MIPOL1: variants seen among roughly 807,000 people sequenced by gnomAD.
MIPOL1 encodes the protein mirror-image polydactyly 1.
A neutral mutation model predicts 60.9 loss-of-function variants in MIPOL1; 57 were observed. The ratio of observed to expected loss-of-function variants is 0.94; its 90% CI spans 0.76 to 1.17. MIPOL1 has a LOEUF of 1.17. Ranked by LOEUF, MIPOL1 falls within the 50% of genes most tolerant of loss-of-function variation. The pLI is 0.00. For synonymous variants in MIPOL1, 179 were observed against 168.8 expected, an observed-to-expected ratio of 1.06 and a Z score of -0.47; for missense variants, 551 against 511.6, an observed-to-expected ratio of 1.08 and a Z score of -0.74.
chr14:37,292,167 C>T (rs750635137), intron 7 of MIPOL1, among the ~76,000 whole-genome samples: 10 of 151,878 alleles, frequency 6.6e-5, no homozygotes, highest in African/African-American at 9.7e-5. Context: ...CCTCATGATC[C>T]GCCCGCTTTG....
chr14:37,434,335 T>C (rs1357671880), intron 11 of MIPOL1: 4 of 152,224 alleles, frequency 2.6e-5, no homozygotes, highest in Non-Finnish European at 5.9e-5. Context: ...TGTCTTCTTT[T>C]GAGAAGTGTC....
At chr14:37,425,283 A>T (rs2093942175) in intron 11 of MIPOL1, among the ~76,000 whole-genome samples, 1 of 152,208 alleles carries the variant, frequency 6.6e-6, no homozygotes, top group South Asian at 2.1e-4. Flanking sequence ...GCAAACCTTG[A>T]TGCCAGTTCC....
At chr14:37,518,578 G>A (rs1037736701) in intron 12 of MIPOL1, among the ~76,000 whole-genome samples, 8 of 152,026 alleles carry the variant, frequency 5.3e-5, no homozygotes, top group East Asian at 1.9e-4. Flanking sequence ...CAAGTGTTCC[G>A]TTTACCTTGG....
At chr14:37,359,864 G>A (rs2092117414) in intron 9 of MIPOL1, among the ~76,000 whole-genome samples, 1 of 152,180 alleles carries the variant, frequency 6.6e-6, no homozygotes, top group Non-Finnish European at 1.5e-5. Context: ...ATGTTAAATA[G>A]GAGTGGTGAG....
chr14:37,218,775 A>C (rs1968205364), intron 1 of MIPOL1, among the ~76,000 whole-genome samples: 1 of 151,858 alleles, frequency 6.6e-6, no homozygotes, highest in African/African-American at 2.4e-5. Flanking sequence ...CGTCTCTATA[A>C]AAAAATAGAA....
rs144382380 is a variant in MIPOL1 at position 37,435,402 on chromosome 14, A to AGT, written c.1031+12456_1031+12457dup. Among the ~76,000 whole-genome samples the AGT allele has an allele frequency of 5.9e-3, 897 of 152,246 alleles. 12 individuals carry two copies. Among genetic ancestry groups the AGT allele is most frequent in the African/African-American group, 0.02 (830 of 41,538 alleles). On this transcript the variant is annotated intron_variant, in intron 11 of 12. Transcript: ENST00000684589. ...GTCACAAGATCACACTATCTAAAAT[A>AGT]GTGTACCCTCTTACTACATCACTCT...
intron 1 of MIPOL1, among the ~76,000 whole-genome samples, chr14:37,201,039 G>C (rs994271430): frequency 2.0e-5 from 3 of 151,130 alleles, no homozygotes; most frequent in Admixed American, 6.6e-5. Flanking sequence ...AGTAGCTAGG[G>C]TTACAGGCAC....
intron 12 of MIPOL1, among the ~76,000 whole-genome samples, chr14:37,508,311 A>T (rs1322743212): frequency 6.6e-6 from 1 of 152,126 alleles, no homozygotes; most frequent in Non-Finnish European, 1.5e-5. Context: ...AAATTTCTTG[A>T]ATAACTGATC....
chr14:37,280,046 C>G (rs955511585), intron 6 of MIPOL1, among the ~76,000 whole-genome samples: 3 of 152,070 alleles, frequency 2.0e-5, no homozygotes, highest in Non-Finnish European at 4.4e-5. Context: ...GTATTTGTCT[C>G]TCTGTGCTTG....
intron 6 of MIPOL1, chr14:37,276,459 G>A (rs965853536): frequency 1.3e-5 from 2 of 150,824 alleles, no homozygotes; most frequent in Non-Finnish European, 3.0e-5. Context: ...TACCATTATA[G>A]CAAGTATATC....
intron 3 of MIPOL1, among the ~76,000 whole-genome samples, chr14:37,266,422 G>C (rs962183158): frequency 1.3e-4 from 20 of 152,068 alleles, no homozygotes; most frequent in Non-Finnish European, 2.9e-4. Context: ...CTTAAAATCT[G>C]AATGACAAAA....
intron 9 of MIPOL1, among the ~76,000 whole-genome samples, chr14:37,312,352 C>A (rs142964082): frequency 3.3e-5 from 5 of 152,288 alleles, no homozygotes; most frequent in African/African-American, 1.2e-4. Flanking sequence ...CTCAAATGAT[C>A]TGCCCACCTT....
At chr14:37,463,769 A>T (rs913437422) in intron 11 of MIPOL1, among the ~76,000 whole-genome samples, 28 of 152,226 alleles carry the variant, frequency 1.8e-4, no homozygotes, top group African/African-American at 6.8e-4. Flanking sequence ...GGACTCAATT[A>T]AACTAAAAAG....
At chr14:37,335,322 C>G (rs1287188371) in intron 9 of MIPOL1, among the ~76,000 whole-genome samples, 5 of 152,006 alleles carry the variant, frequency 3.3e-5, no homozygotes, top group Admixed American at 6.6e-5. Flanking sequence ...TTTACCTATA[C>G]AGTTCAGTAG....
chr14:37,308,283 A>G, intron 8 of MIPOL1, 66 bp from the exon 9 acceptor site: 29 of 1,347,168 alleles, frequency 2.2e-5, no homozygotes, highest in Non-Finnish European at 2.9e-5. Context: ...CCTATTAATT[A>G]AAACCCTATA....
At position 37,409,398 on chromosome 14, in the gene MIPOL1, A is replaced by G. The variant is rs111597784; in HGVS notation, c.937-13457A>G. Among the ~76,000 whole-genome samples, 640 of 152,316 alleles carry G rather than the reference A, an allele frequency of 4.2e-3. 5 individuals are homozygous for G. The highest frequency in any genetic ancestry group is 0.031 in the Middle Eastern group (9 of 294). On this transcript the variant is annotated intron_variant, in intron 10 of 12. Transcript: ENST00000684589. Reference sequence around the variant, plus strand: ...AGGAAACATTAGGCAAATCTGGAAAAAAAAAAGTTGCAAGTTCTTACAAAA... The same window carrying G: ...AGGAAACATTAGGCAAATCTGGAAAGAAAAAAGTTGCAAGTTCTTACAAAA...
chr14:37,269,616 TG>T (rs1188875030), intron 5 of MIPOL1, among the ~76,000 whole-genome samples: 1 of 152,146 alleles, frequency 6.6e-6, no homozygotes, highest in Non-Finnish European at 1.5e-5. Flanking sequence ...CAGGTGTCAG[TG>T]TCAATTTAAA....
chr14:37,221,561 A>C (rs1249696350), intron 1 of MIPOL1, among the ~76,000 whole-genome samples: 1 of 152,184 alleles, frequency 6.6e-6, no homozygotes, highest in Non-Finnish European at 1.5e-5. Context: ...GACTTCAGGA[A>C]ACCAACAGTT....
chr14:37,351,741 C>G (rs1333808512), intron 9 of MIPOL1, among the ~76,000 whole-genome samples: 1 of 123,230 alleles, frequency 8.1e-6, no homozygotes, highest in Non-Finnish European at 1.7e-5. Flanking sequence ...CCTTTGCCCA[C>G]TTTTTGATGG....
Sources: allele counts gnomAD v4.1 joint callset (sites outside exome capture counted in the v4.1 genomes callset), GRCh38; gene constraint gnomAD v4.1.1; transcripts MANE v1.5; gene names NCBI Gene and HGNC (gene_info 2026-07-23, HGNC 2026-07-21).